SPHK1: variants seen among roughly 807,000 people sequenced by gnomAD.
SPHK1 encodes the protein sphingosine kinase 1.
Under a neutral mutation model 14.6 loss-of-function variants are expected in SPHK1, and 10 were observed. That is an observed-to-expected ratio of 0.68 (90% CI 0.42 to 1.16). SPHK1 has a LOEUF of 1.16. SPHK1 is among the 50% of genes most tolerant of loss of function. The probability of loss-of-function intolerance (pLI) is 0.00; values close to 1 mark genes in which losing one functional copy is unlikely to be tolerated. For synonymous variants in SPHK1, 274 were observed against 224.0 expected (o/e 1.22, Z -1.99); for missense variants, 553 against 525.4 (o/e 1.05, Z -0.51).
chr17:76,386,343 T>C lies in SPHK1; in HGVS notation c.258+28T>C. 6.2e-7 allele frequency: 1 copy of C among 1,606,020 alleles called. No individual in the cohort carries two copies. The highest frequency in any genetic ancestry group is 8.5e-7 in the Non-Finnish European group (1 of 1,176,500). On this transcript the variant is annotated intron_variant, in intron 4 of 5. Coordinates refer to ENST00000592299, the MANE Select transcript of SPHK1 (RefSeq NM_001142601.2). The surrounding 1 kb of genome is among the most constrained non-coding windows in gnomAD (Gnocchi z 5.3). ...GAGGACCGCACTGCGCGGCTAGGCC[T>C]GGGGCTTGGCGCGGTGCGTCCCAGG...
Position 76,386,282 on chromosome 17 carries a change from G to T in SPHK1, c.225G>T (p.Leu75=). 1 of 1,601,074 alleles carries T rather than the reference G, an allele frequency of 6.2e-7. No individual in the cohort carries two copies. ...RSEELGRWDA[L]VVMSGDGLMH... ...AGGAGCTGGGCCGCTGGGACGCTCT[G>T]GTGGTCATGTCTGGAGACGGGCTGA... The change falls in exon 4 of 6, where the codon CTG becomes CTT. Residue 75 remains leucine, a synonymous_variant. Coordinates refer to ENST00000592299, the MANE Select transcript of SPHK1 (RefSeq NM_001142601.2). This position sits in a 1 kb window ranked among gnomAD's most constrained non-coding sequence, Gnocchi z 5.3.
rs1255622786 is a variant in SPHK1, at chr17:76,385,541, G to A, written c.-104G>A. The A allele has an allele frequency of 2.6e-6, 4 of 1,539,780 alleles. No homozygotes were observed. The East Asian group carries it at 7.2e-5, about 28-fold the overall frequency. Reference sequence around the variant, plus strand: ...CCCCACAGCCGGCCCTGCGACGCCCGCCTGGGCAGCACCGATAAGGAGCTG... The same window carrying A: ...CCCCACAGCCGGCCCTGCGACGCCCACCTGGGCAGCACCGATAAGGAGCTG... On this transcript the variant is annotated 5_prime_UTR_variant, in exon 2 of 6. Coordinates refer to ENST00000592299, the MANE Select transcript of SPHK1 (RefSeq NM_001142601.2). The surrounding 1 kb of genome is among the most constrained non-coding windows in gnomAD (Gnocchi z 5.3).
Position 76,386,013 on chromosome 17 carries a change from G to A in SPHK1, c.39G>A (p.Arg13=). The change falls in exon 3 of 6, where the codon CGG becomes CGA. Residue 13 remains arginine (R), a synonymous_variant. Transcript: ENST00000592299. This position sits in a 1 kb window ranked among gnomAD's most constrained non-coding sequence, Gnocchi z 5.3. ...PAGGPRGVLP[R]PCRVLVLLNP... The stretch of plus-strand genomic sequence containing the variant: ...GCGGCCCCCGGGGCGTGCTCCCGCG[G>A]CCCTGCCGCGTGCTGGTGCTGCTGA... The A allele has an allele frequency of 6.2e-7, 1 of 1,604,270 alleles. No individual in the cohort carries two copies. The highest frequency in any genetic ancestry group is 8.5e-7 in the Non-Finnish European group (1 of 1,174,798).
chr17:76,386,233 A>ACGC lies in SPHK1; in HGVS notation c.177_179dup (p.Ala60dup). 3.8e-6 allele frequency: 6 copies of ACGC among 1,595,054 alleles called. No homozygotes were observed. The highest frequency in any genetic ancestry group is 5.1e-6 in the Non-Finnish European group (6 of 1,176,692). On this transcript the variant is annotated inframe_insertion, in exon 4 of 6. Transcript: ENST00000592299. The surrounding 1 kb of genome is among the most constrained non-coding windows in gnomAD (Gnocchi z 5.3). ...GGTCTCCCTGCAGAGCGGCGGAACC[A>ACGC]CGCGCGGGAGCTGGTGCGGTCGGAG...
chr17:76,384,922 C>T (rs1181175923), intron 1 of SPHK1, 116 bp downstream of exon 1: 2 of 583,130 alleles, frequency 3.4e-6, no homozygotes, highest in Admixed American at 4.4e-5. Context: ...CAGCTGGTGG[C>T]CCGGTTCGGG....
At position 76,386,833 on chromosome 17, in the gene SPHK1, C is replaced by A; in HGVS notation, c.402C>A (p.Leu134=). The change falls in exon 6 of 6, where the codon CTC becomes CTA. Residue 134 remains leucine, a synonymous_variant. Coordinates refer to ENST00000592299, the MANE Select transcript of SPHK1 (RefSeq NM_001142601.2). This position sits in a 1 kb window ranked among gnomAD's most constrained non-coding sequence, Gnocchi z 5.3. The stretch of plus-strand genomic sequence containing the variant: ...ATGAGCAGGTCACCAATGAAGACCT[C>A]CTGACCAACTGCACGCTATTGCTGT... ...AGYEQVTNED[L]LTNCTLLLCR... The A allele has an allele frequency of 6.4e-7, 1 of 1,570,266 alleles. No homozygotes were observed. Among genetic ancestry groups the A allele is most frequent in the South Asian group, 1.2e-5 (1 of 84,414 alleles).
Position 76,385,428 on chromosome 17 carries a change from C to G in SPHK1, c.-194-23C>G. ...TGGCAGCTGCGGCCCCGGACTCCGC[C>G]AGCGCTGTCTTCTCTCCCTCAGGTC... On this transcript the variant is annotated intron_variant, in intron 1 of 5. Coordinates refer to ENST00000592299, the MANE Select transcript of SPHK1 (RefSeq NM_001142601.2). This position sits in a 1 kb window ranked among gnomAD's most constrained non-coding sequence, Gnocchi z 5.3. The G allele has an allele frequency of 6.6e-7, 1 of 1,504,682 alleles. No homozygotes were observed. Among genetic ancestry groups the G allele is most frequent in the Non-Finnish European group, 8.8e-7 (1 of 1,130,890 alleles). 93.2% of individuals were successfully genotyped at this position (1,504,682 alleles called of 1,614,324 possible).
chr17:76,386,927 G>A lies in SPHK1; in HGVS notation c.496G>A (p.Val166Met). ...GGCTTCGGGGCTGCGCCTCTTCTCT[G>A]TGCTCAGCCTGGCCTGGGGCTTCAT... is the stretch of plus-strand genomic sequence containing the variant. The part of the protein sequence containing the change: ...HTASGLRLFS[V>M]LSLAWGFIAD... Residue 166 changes from valine (V) to methionine (M), a missense_variant, in exon 6 of 6, where the codon GTG becomes ATG. Physicochemically the swap from Val to Met is conservative, Grantham distance 21. Coordinates refer to ENST00000592299, the MANE Select transcript of SPHK1 (RefSeq NM_001142601.2). This position sits in a 1 kb window ranked among gnomAD's most constrained non-coding sequence, Gnocchi z 5.3. 2 of 1,613,340 alleles carry A rather than the reference G, an allele frequency of 1.2e-6. No homozygotes were observed. Among genetic ancestry groups the A allele is most frequent in the South Asian group, 2.2e-5 (2 of 91,060 alleles).
chr17:76,386,218 C>A lies in SPHK1; in HGVS notation c.164-3C>A. 6.3e-7 allele frequency: 1 copy of A among 1,595,692 alleles called. No individual in the cohort carries two copies. On this transcript the variant is annotated splice_region_variant and splice_polypyrimidine_tract_variant and intron_variant, in intron 3 of 5. Transcript: ENST00000592299. The surrounding 1 kb of genome is among the most constrained non-coding windows in gnomAD (Gnocchi z 5.3). Reference sequence around the variant, plus strand: ...GTCCTGATAGCTGCCGGTCTCCCTGCAGAGCGGCGGAACCACGCGCGGGAG... The same window carrying A: ...GTCCTGATAGCTGCCGGTCTCCCTGAAGAGCGGCGGAACCACGCGCGGGAG...
upstream of SPHK1, chr17:76,383,915 C>T (rs1407989198): frequency 3.4e-6 from 4 of 1,193,738 alleles, no homozygotes; most frequent in African/African-American, 4.9e-5. Context: ...TCCTCTCCGG[C>T]TCGGAGCCCC....
At position 76,386,737 on chromosome 17, in the gene SPHK1, C is replaced by T. The variant is rs183510222; in HGVS notation, c.375-69C>T. On this transcript the variant is annotated intron_variant, in intron 5 of 5. Transcript: ENST00000592299. The surrounding 1 kb of genome is among the most constrained non-coding windows in gnomAD (Gnocchi z 5.3). ...CATGGCGCTTTGCCAGCTCCCACTC[C>T]CCGGGAGGAGGAAGCGGGGGATACA... The T allele has an allele frequency of 6.7e-7, 1 of 1,491,556 alleles. No individual in the cohort carries two copies. Among genetic ancestry groups the T allele is most frequent in the East Asian group, 2.3e-5 (1 of 43,880 alleles). 92.4% of individuals were successfully genotyped at this position (1,491,556 alleles called of 1,614,324 possible).
chr17:76,387,552 C>A lies in SPHK1; in HGVS notation c.1121C>A (p.Pro374His). 1 of 1,604,198 alleles carries A rather than the reference C, an allele frequency of 6.2e-7. No homozygotes were observed. The highest frequency in any genetic ancestry group is 8.5e-7 in the Non-Finnish European group (1 of 1,176,632). Residue 374 changes from proline to histidine, a missense_variant, in exon 6 of 6, where the codon CCC becomes CAC. Physicochemically the swap from Pro to His is moderately conservative, Grantham distance 77. Transcript: ENST00000592299. This position sits in a 1 kb window ranked among gnomAD's most constrained non-coding sequence, Gnocchi z 4.1. ...GTGGAGCCCCCGCCCAGCTGGAAGC[C>A]CCAGCAGATGCCACCGCCAGAAGAG... ...GCVEPPPSWK[P>H]QQMPPPEEPL
In SPHK1 at chr17:76,387,167, CCCTCTCACTGGA is replaced by C; in HGVS notation, c.738_749del (p.Ser247_Thr250del). The C allele has an allele frequency of 6.2e-7, 1 of 1,613,202 alleles. No homozygotes were observed. The highest frequency in any genetic ancestry group is 1.3e-5 in the African/African-American group (1 of 75,038). ...CCTTGTGCCACTGGAGGAGCCAGTG[CCCTCTCACTGGA>C]CAGTGGTGCCCGACGAGGACTTTGT... On this transcript the variant is annotated inframe_deletion, in exon 6 of 6. Transcript: ENST00000592299. This position sits in a 1 kb window ranked among gnomAD's most constrained non-coding sequence, Gnocchi z 4.1.
chr17:76,387,300 T>G lies in SPHK1; in HGVS notation c.869T>G (p.Val290Gly). The G allele has an allele frequency of 6.2e-7, 1 of 1,613,676 alleles. No homozygotes were observed. The highest frequency in any genetic ancestry group is 8.5e-7 in the Non-Finnish European group (1 of 1,179,980). ...GCTGGCGTCATGCATCTGTTCTACG[T>G]GCGGGCGGGAGTGTCTCGTGCCATG... ...CAAGVMHLFY[V>G]RAGVSRAMLL... The change falls in exon 6 of 6, where the codon GTG becomes GGG. Residue 290 changes from valine (V) to glycine (G), a missense_variant. Transcript: ENST00000592299. This position sits in a 1 kb window ranked among gnomAD's most constrained non-coding sequence, Gnocchi z 4.1.
In SPHK1 at chr17:76,386,291, G is replaced by A. The variant is rs2071980549; in HGVS notation, c.234G>A (p.Met78Ile). 2.5e-6 allele frequency: 4 copies of A among 1,602,596 alleles called. No homozygotes were observed. The highest frequency in any genetic ancestry group is 2.5e-6 in the Non-Finnish European group (3 of 1,178,782). ...ELGRWDALVV[M>I]SGDGLMHEVV... Reference sequence around the variant, plus strand: ...GCCGCTGGGACGCTCTGGTGGTCATGTCTGGAGACGGGCTGATGCACGAGG... The same window carrying A: ...GCCGCTGGGACGCTCTGGTGGTCATATCTGGAGACGGGCTGATGCACGAGG... The change falls in exon 4 of 6, where the codon ATG becomes ATA. Residue 78 changes from methionine to isoleucine, a missense_variant. Met to Ile is a conservative substitution (Grantham distance 10). Transcript: ENST00000592299. The surrounding 1 kb of genome is among the most constrained non-coding windows in gnomAD (Gnocchi z 5.3).
In SPHK1 at chr17:76,385,496, C is replaced by G. The variant is rs374627125; in HGVS notation, c.-149C>G. The G allele has an allele frequency of 1.9e-6, 3 of 1,556,818 alleles. No individual in the cohort carries two copies. The highest frequency in any genetic ancestry group is 1.4e-5 in the African/African-American group (1 of 73,936). The stretch of plus-strand genomic sequence containing the variant: ...GACGCCGGTGCTCCTGCAGCCACGG[C>G]TCCGGGCGGGGAAGGCGAGCCCCAC... On this transcript the variant is annotated 5_prime_UTR_variant, in exon 2 of 6. Coordinates refer to ENST00000592299, the MANE Select transcript of SPHK1 (RefSeq NM_001142601.2). The surrounding 1 kb of genome is among the most constrained non-coding windows in gnomAD (Gnocchi z 5.3).
Position 76,386,675 on chromosome 17 carries a change from C to A in SPHK1, c.375-131C>A. ...AGCTGACTGCTTCCATTTGCTCCAT[C>A]TGTCACCTACCAGTCCTGCCAACTC... On this transcript the variant is annotated intron_variant, in intron 5 of 5. Transcript: ENST00000592299. The surrounding 1 kb of genome is among the most constrained non-coding windows in gnomAD (Gnocchi z 5.3). The A allele has an allele frequency of 1.6e-6, 2 of 1,217,024 alleles. No homozygotes were observed. Among genetic ancestry groups the A allele is most frequent in the Non-Finnish European group, 2.3e-6 (2 of 878,864 alleles). The allele number at this position is 1,217,024 out of a possible 1,614,324, so 75.4% of individuals were successfully genotyped here. A position where few individuals can be genotyped will look rare whatever the true frequency, so the allele number is the denominator to read the frequency against.
Position 76,386,333 on chromosome 17 carries a change from C to A in SPHK1, c.258+18C>A, listed in dbSNP as rs374063773. 10 of 1,605,532 alleles carry A rather than the reference C, an allele frequency of 6.2e-6. No individual in the cohort carries two copies. The highest frequency in any genetic ancestry group is 7.6e-6 in the Non-Finnish European group (9 of 1,177,344). Reference sequence around the variant, plus strand: ...TGCACGAGGTGAGGACCGCACTGCGCGGCTAGGCCTGGGGCTTGGCGCGGT... The same window carrying A: ...TGCACGAGGTGAGGACCGCACTGCGAGGCTAGGCCTGGGGCTTGGCGCGGT... On this transcript the variant is annotated intron_variant, in intron 4 of 5. Transcript: ENST00000592299. The surrounding 1 kb of genome is among the most constrained non-coding windows in gnomAD (Gnocchi z 5.3).
In SPHK1 at chr17:76,387,680, AGGAGACTCCTCT is replaced by A; in HGVS notation, c.*100_*111del. 1 of 1,354,176 alleles carries A rather than the reference AGGAGACTCCTCT, an allele frequency of 7.4e-7. No individual in the cohort carries two copies. The highest frequency in any genetic ancestry group is 9.9e-7 in the Non-Finnish European group (1 of 1,011,326). 83.9% of individuals were successfully genotyped at this position (1,354,176 alleles called of 1,614,324 possible). A position where few individuals can be genotyped will look rare whatever the true frequency, so the allele number is the denominator to read the frequency against. On this transcript the variant is annotated 3_prime_UTR_variant, in exon 6 of 6. Transcript: ENST00000592299. This position sits in a 1 kb window ranked among gnomAD's most constrained non-coding sequence, Gnocchi z 4.1. ...CTGTCCACAGCTCCTGTGGGGGTGG[AGGAGACTCCTCT>A]GGAGAAGGGTGAGAAGGTGGAGGCT...
Sources: gnomAD v4.1 joint callset for allele counts on GRCh38, gnomAD v4.1.1 for gene constraint, Gnocchi (gnomAD v3.1) non-coding constraint, MANE v1.5 for transcripts, NCBI Gene and HGNC (gene_info 2026-07-23, HGNC 2026-07-21) for gene names.